Variants in SAV1 observed in about 807,000 individuals in gnomAD.
The protein encoded by SAV1 is salvador family WW domain containing protein 1.
A neutral mutation model predicts 47.3 loss-of-function variants in SAV1; 23 were observed. The observed-to-expected ratio is 0.49, with a 90% CI of 0.35 to 0.69. The LOEUF (loss-of-function observed/expected upper bound fraction) is 0.69. Among genes scored for constraint, SAV1 ranks in the 30% least tolerant of loss-of-function variants. The pLI, the probability that SAV1 is intolerant of heterozygous loss-of-function variation, is 0.01. For synonymous variants in SAV1, 155 were observed against 159.2 expected (o/e 0.97, Z 0.20); for missense variants, 448 against 457.4 (o/e 0.98, Z 0.19).
At chr14:50,661,920 C>T (rs1230943629) in intron 2 of SAV1, among the ~76,000 whole-genome samples, 4 of 152,086 alleles carry the variant, frequency 2.6e-5, no homozygotes, top group East Asian at 3.8e-4. Context: ...TAGCTTTGTT[C>T]GGTTTGCTCA....
chr14:50,667,719 G>T (rs192037789), intron 1 of SAV1, among the ~76,000 whole-genome samples, 155 bp downstream of exon 1: 23 of 152,090 alleles, frequency 1.5e-4, no homozygotes, highest in Non-Finnish European at 2.9e-4. Flanking sequence ...TTCAATCAAC[G>T]AATACCACTT....
intron 2 of SAV1, among the ~76,000 whole-genome samples, chr14:50,658,225 C>T (rs908761575): frequency 1.3e-5 from 2 of 152,210 alleles, no homozygotes; most frequent in African/African-American, 4.8e-5. Context: ...TCCAGTATTT[C>T]TTGATAAAGC....
chr14:50,653,772 GGCA>G (rs1566744887), intron 2 of SAV1, among the ~76,000 whole-genome samples: 1 of 151,982 alleles, frequency 6.6e-6, no homozygotes, highest in Non-Finnish European at 1.5e-5. Flanking sequence ...GGGAGGCTGA[GGCA>G]GCAGAATTGC....
At chr14:50,658,351 C>T (rs2039830212) in intron 2 of SAV1, among the ~76,000 whole-genome samples, 1 of 152,172 alleles carries the variant, frequency 6.6e-6, no homozygotes, top group Non-Finnish European at 1.5e-5. Flanking sequence ...TTCAGTCTGC[C>T]TTTAGTATTC....
At position 50,667,807 on chromosome 14, in the gene SAV1, C is replaced by T. The variant is rs575070050; in HGVS notation, c.94+67G>A. 3.7e-6 allele frequency: 5 copies of T among 1,346,770 alleles called. No homozygotes were observed. The Admixed American group carries it at 6.2e-5, about 17-fold the overall frequency. The allele number at this position is 1,346,770 out of a possible 1,614,324, so 83.4% of individuals were successfully genotyped here. On this transcript the variant is annotated intron_variant, in intron 1 of 4. Transcript: ENST00000324679. Reference sequence around the variant, plus strand: ...GAAGCCCTGGAGACCCGCCGGCGCCCCCGCCAGGGTCCCCGGAGCACCTGG... The same window carrying T: ...GAAGCCCTGGAGACCCGCCGGCGCCTCCGCCAGGGTCCCCGGAGCACCTGG...
intron 2 of SAV1, among the ~76,000 whole-genome samples, chr14:50,648,377 G>T (rs2039739544): frequency 6.6e-6 from 1 of 152,164 alleles, no homozygotes; most frequent in Non-Finnish European, 1.5e-5. Context: ...GGCATTACAT[G>T]AAATCTATAC....
chr14:50,659,759 T>C (rs2356461), intron 2 of SAV1, among the ~76,000 whole-genome samples: 3,844 of 152,168 alleles, frequency 0.025, 161 homozygotes, highest in African/African-American at 0.087. Context: ...GGTGGGAGGA[T>C]TGCTTGAGCC....
Position 50,656,495 on chromosome 14 carries a change from T to C in SAV1, c.535+8684A>G, listed in dbSNP as rs138661868. On this transcript the variant is annotated intron_variant, in intron 2 of 4. Transcript: ENST00000324679. ...CTCACTCTTGTCGCCCAGGTTGGAG[T>C]GCGGTGGCGCGATCTCCGCTCACTG... is the stretch of plus-strand genomic sequence containing the variant. Among the ~76,000 whole-genome samples, 366 of 146,492 alleles carry C rather than the reference T, an allele frequency of 2.5e-3. 3 individuals are homozygous for C. The highest frequency in any genetic ancestry group is 8.9e-3 in the African/African-American group (349 of 39,182).
At position 50,667,038 on chromosome 14, in the gene SAV1, G is replaced by A. The variant is rs189099345; in HGVS notation, c.94+836C>T. The stretch of plus-strand genomic sequence containing the variant: ...TCCAAGAAGGAAACTTAAGCAAAGG[G>A]CCCAGGGCGCAGTAAGAGCACCAAA... On this transcript the variant is annotated intron_variant, in intron 1 of 4. Coordinates refer to ENST00000324679, the MANE Select transcript of SAV1 (RefSeq NM_021818.4). Among the ~76,000 whole-genome samples the A allele has an allele frequency of 2.6e-4, 40 of 152,118 alleles. 1 individual carries two copies. The highest frequency in any genetic ancestry group is 2.3e-3 in the Admixed American group (35 of 15,278).
intron 2 of SAV1, among the ~76,000 whole-genome samples, chr14:50,653,045 A>T (rs2039782625): frequency 6.6e-6 from 1 of 152,186 alleles, no homozygotes; most frequent in South Asian, 2.1e-4. Flanking sequence ...AGAAATTGAA[A>T]AAAAAATGAA....
At chr14:50,643,555 A>G (rs112766975) in intron 3 of SAV1, among the ~76,000 whole-genome samples, 1,732 of 152,306 alleles carry the variant, frequency 0.011, 31 homozygotes, top group African/African-American at 0.039. Context: ...GGGGATTACG[A>G]TTTGAGATGA....
At chr14:50,658,190 T>A (rs2039829053) in intron 2 of SAV1, among the ~76,000 whole-genome samples, 1 of 152,230 alleles carries the variant, frequency 6.6e-6, no homozygotes, top group South Asian at 2.1e-4. Context: ...CACAAATATT[T>A]ACACATTACC....
At chr14:50,667,523 T>C in intron 1 of SAV1, 1 of 475,728 alleles carries the variant, frequency 2.1e-6, no homozygotes, top group Non-Finnish European at 4.2e-6. Context: ...AAAGTGTCCC[T>C]GTCTAATTAC....
At chr14:50,655,948 G>A (rs1429120100) in intron 2 of SAV1, among the ~76,000 whole-genome samples, 2 of 152,182 alleles carry the variant, frequency 1.3e-5, no homozygotes, top group East Asian at 3.9e-4. Context: ...GAGAGGATGA[G>A]GCAGAAGAAT....
chr14:50,634,223 C>T lies in SAV1; in HGVS notation c.*960G>A, dbSNP rs757229252. 3 of 453,538 alleles carry T rather than the reference C, an allele frequency of 6.6e-6. No homozygotes were observed. The highest frequency in any genetic ancestry group is 4.0e-5 in the African/African-American group (2 of 50,016). The allele number at this position is 453,538 out of a possible 1,614,324, so 28.1% of individuals were successfully genotyped here. ...AGCAACTTTGAGTTTCACGCACCTT[C>T]CCAATACAGGCTAAGTATTCCTGCT... is the stretch of plus-strand genomic sequence containing the variant. On this transcript the variant is annotated 3_prime_UTR_variant, in exon 5 of 5. Coordinates refer to ENST00000324679, the MANE Select transcript of SAV1 (RefSeq NM_021818.4).
chr14:50,634,856 C>A lies in SAV1; in HGVS notation c.*327G>T. The stretch of plus-strand genomic sequence containing the variant: ...TTTTTTTTTTTTAAAGAAGGTACTA[C>A]TGCTGTAAGAAGTTAACAAGTAATA... On this transcript the variant is annotated 3_prime_UTR_variant, in exon 5 of 5. Transcript: ENST00000324679. 5.2e-6 allele frequency: 1 copy of A among 192,648 alleles called. No individual in the cohort carries two copies. Among genetic ancestry groups the A allele is most frequent in the Non-Finnish European group, 1.1e-5 (1 of 95,226 alleles). 11.9% of individuals were successfully genotyped at this position (192,648 alleles called of 1,614,324 possible).
intron 2 of SAV1, among the ~76,000 whole-genome samples, chr14:50,660,552 T>A (rs1396998829): frequency 6.6e-6 from 1 of 152,152 alleles, no homozygotes. Context: ...ATGCAAAGAG[T>A]ATGAAATAAT....
intron 2 of SAV1, among the ~76,000 whole-genome samples, chr14:50,654,908 T>C (rs897993763): frequency 3.3e-5 from 5 of 152,228 alleles, no homozygotes; most frequent in Non-Finnish European, 5.9e-5. Flanking sequence ...ATCTATGCAG[T>C]ATTCTGGCAA....
intron 2 of SAV1, among the ~76,000 whole-genome samples, chr14:50,663,464 C>A (rs921213279): frequency 1.3e-5 from 2 of 152,136 alleles, no homozygotes; most frequent in African/African-American, 4.8e-5. Flanking sequence ...AATTCTTTAA[C>A]CTAATTCCTT....
Sources: gnomAD v4.1 joint callset for allele counts (sites outside exome capture counted in the v4.1 genomes callset) on GRCh38, gnomAD v4.1.1 for gene constraint, MANE v1.5 for transcripts, NCBI Gene and HGNC (gene_info 2026-07-23, HGNC 2026-07-21) for gene names.